Variants in TMEM86A observed in about 807,000 individuals in gnomAD.
TMEM86A encodes transmembrane protein 86A.
In TMEM86A, 13 loss-of-function variants were observed where a neutral mutation model predicts 19.8. The observed-to-expected ratio is 0.66, with a 90% CI of 0.43 to 1.04. The LOEUF (loss-of-function observed/expected upper bound fraction) is 1.04. Ranked by LOEUF, TMEM86A falls within the 50% of genes least tolerant of loss-of-function variation. TMEM86A has a pLI of 0.00. For missense variants in TMEM86A, 248 were observed against 306.8 expected, an observed-to-expected ratio of 0.81 and a Z score of 1.43; for synonymous variants, 128 against 129.9, an observed-to-expected ratio of 0.99 and a Z score of 0.10.
At position 18,704,449 on chromosome 11, in the gene TMEM86A, G is replaced by A. The variant is rs749901243; in HGVS notation, c.*2440G>A. 7 of 1,531,978 alleles carry A rather than the reference G, an allele frequency of 4.6e-6. No individual in the cohort carries two copies. The highest frequency in any genetic ancestry group is 2.0e-5 in the Admixed American group (1 of 50,958). The allele number at this position is 1,531,978 out of a possible 1,614,324, so 94.9% of individuals were successfully genotyped here. Reference sequence around the variant, plus strand: ...CTCCACATCATAACAGCCTCCTGATGCCTGGGCTTGGCTGGAGCTCACATG... The same window carrying A: ...CTCCACATCATAACAGCCTCCTGATACCTGGGCTTGGCTGGAGCTCACATG... On this transcript the variant is annotated 3_prime_UTR_variant, in exon 3 of 3. Transcript: ENST00000280734.
In TMEM86A at chr11:18,704,341, C is replaced by G; in HGVS notation, c.*2332C>G. Reference sequence around the variant, plus strand: ...ATGAGTTACGTTTATTGCCCCATCCCTTCACTGAATGTTTACATTAACAAA... The same window carrying G: ...ATGAGTTACGTTTATTGCCCCATCCGTTCACTGAATGTTTACATTAACAAA... On this transcript the variant is annotated 3_prime_UTR_variant, in exon 3 of 3. Coordinates refer to ENST00000280734, the MANE Select transcript of TMEM86A (RefSeq NM_153347.3). 2.9e-6 allele frequency: 2 copies of G among 686,076 alleles called. No homozygotes were observed. Among genetic ancestry groups the G allele is most frequent in the Non-Finnish European group, 5.3e-6 (2 of 377,370 alleles). The allele number at this position is 686,076 out of a possible 1,614,324, so 42.5% of individuals were successfully genotyped here. A position where few individuals can be genotyped will look rare whatever the true frequency, so the allele number is the denominator to read the frequency against.
In TMEM86A at chr11:18,701,695, C is replaced by T. The variant is rs1848151928; in HGVS notation, c.409C>T (p.Pro137Ser). ...LSGLCYALLY[P>S]CLSGAFTYLV... ...GGGCCTGTGCTATGCCCTCCTCTAC[C>T]CATGCCTCTCAGGTGCCTTCACCTA... The change falls in exon 3 of 3, where the codon CCA (proline) becomes TCA (serine). Residue 137 changes from proline (P) to serine (S), a missense_variant. Coordinates refer to ENST00000280734, the MANE Select transcript of TMEM86A (RefSeq NM_153347.3). This position sits in a 1 kb window ranked among gnomAD's most constrained non-coding sequence, Gnocchi z 5.3. The T allele has an allele frequency of 1.9e-6, 3 of 1,614,124 alleles. No homozygotes were observed. Among genetic ancestry groups the T allele is most frequent in the Non-Finnish European group, 2.5e-6 (3 of 1,180,006 alleles).
chr11:18,701,787 G>C lies in TMEM86A; in HGVS notation c.501G>C (p.Leu167=), dbSNP rs760931137. The change falls in exon 3 of 3, where the codon CTG becomes CTC. Residue 167 remains leucine (L), a synonymous_variant. Transcript: ENST00000280734. The surrounding 1 kb of genome is among the most constrained non-coding windows in gnomAD (Gnocchi z 5.3). ...GGCGAGCTATGGCAGGGCTGCGGCT[G>C]GCCGGGGCAGACTGGCGCTGGACAG... ...MGWRAMAGLR[L]AGADWRWTEL... is the part of the protein sequence containing the mutation. 2.5e-6 allele frequency: 4 copies of C among 1,614,134 alleles called. No individual in the cohort carries two copies. Among genetic ancestry groups the C allele is most frequent in the Non-Finnish European group, 3.4e-6 (4 of 1,180,030 alleles).
At chr11:18,698,979 A>G (rs1002754319) in intron 1 of TMEM86A, 72 bp downstream of exon 1, 1 of 449,476 alleles carries the variant, frequency 2.2e-6, no homozygotes, top group South Asian at 4.3e-5. Context: ...GGACTTCGGC[A>G]GGCCGAGCTG....
chr11:18,704,234 G>C lies in TMEM86A; in HGVS notation c.*2225G>C, dbSNP rs529252915. 1 of 500,864 alleles carries C rather than the reference G, an allele frequency of 2.0e-6. No individual in the cohort carries two copies. Among genetic ancestry groups the C allele is most frequent in the Non-Finnish European group, 3.6e-6 (1 of 276,288 alleles). The allele number at this position is 500,864 out of a possible 1,614,324, so 31.0% of individuals were successfully genotyped here. A position where few individuals can be genotyped will look rare whatever the true frequency, so the allele number is the denominator to read the frequency against. ...GTGGGTTTGGACTAGGCTTTCAGGG[G>C]TCCAGGTCTGGGATTCCCTATCATG... is the stretch of plus-strand genomic sequence containing the variant. On this transcript the variant is annotated 3_prime_UTR_variant, in exon 3 of 3. Transcript: ENST00000280734.
rs1341097546 is a variant in TMEM86A, at chr11:18,699,233, G to T, written c.21+326G>T. Among the ~76,000 whole-genome samples, 1 of 152,244 alleles carries T rather than the reference G, an allele frequency of 6.6e-6. No homozygotes were observed. On this transcript the variant is annotated intron_variant, in intron 1 of 2. Coordinates refer to ENST00000280734, the MANE Select transcript of TMEM86A (RefSeq NM_153347.3). The surrounding 1 kb of genome is among the most constrained non-coding windows in gnomAD (Gnocchi z 4.0). ...GAGAGGGAGGGGACCGCTGCCGGCC[G>T]CAGAGTTCCGCGTAGGCGGACCACA...
At position 18,701,179 on chromosome 11, in the gene TMEM86A, C is replaced by T; in HGVS notation, c.268C>T (p.Gln90Ter). 1 of 1,613,760 alleles carries T rather than the reference C, an allele frequency of 6.2e-7. No individual in the cohort carries two copies. The highest frequency in any genetic ancestry group is 8.5e-7 in the Non-Finnish European group (1 of 1,179,996). ...TGACGCCTTCCTCATCTGGCAGGAC[C>T]AAGGATACTTCGTGCATGGTCAGTG... ...VGDAFLIWQD[Q>*]GYFVHGLLMF... Residue 90 changes from glutamine (Q) to a stop codon, truncating the protein, a stop_gained, in exon 2 of 3, where the codon CAA (glutamine) becomes TAA (stop). Transcript: ENST00000280734. LOFTEE classifies it high-confidence loss of function. The surrounding 1 kb of genome is among the most constrained non-coding windows in gnomAD (Gnocchi z 5.3).
In TMEM86A at chr11:18,700,941, T is replaced by C. The variant is rs775705419; in HGVS notation, c.30T>C (p.Ser10=). MVSPVTVVK[S]EGPKLVPFFK... ...TGTCCTGTGTCCTCCAGGTGAAGAGTGAAGGACCCAAACTGGTGCCGTTCT... is the reference window on the plus strand; with the variant it reads ...TGTCCTGTGTCCTCCAGGTGAAGAGCGAAGGACCCAAACTGGTGCCGTTCT... The change falls in exon 2 of 3, where the codon AGT becomes AGC. Residue 10 remains serine, a synonymous_variant. Coordinates refer to ENST00000280734, the MANE Select transcript of TMEM86A (RefSeq NM_153347.3). 2.5e-6 allele frequency: 4 copies of C among 1,613,918 alleles called. No individual in the cohort carries two copies.
Position 18,698,874 on chromosome 11 carries a change from C to A in TMEM86A, c.-13C>A. 1.5e-6 allele frequency: 1 copy of A among 675,212 alleles called. No homozygotes were observed. The highest frequency in any genetic ancestry group is 3.1e-5 in the East Asian group (1 of 32,532). The allele number at this position is 675,212 out of a possible 1,614,324, so 41.8% of individuals were successfully genotyped here. On this transcript the variant is annotated 5_prime_UTR_variant, in exon 1 of 3. Transcript: ENST00000280734. ...CAGCCCGGAGCAGGGTGCCAGCCGC[C>A]GCCGCCGCCGCCATGGTGTCCCCGG...
Position 18,702,138 on chromosome 11 carries a change from A to G in TMEM86A, c.*129A>G. ...GCAGGTACTGCCTGAGGAATTTGCA[A>G]GTTCGTGTGGGGAGGCTGGAAAAGG... On this transcript the variant is annotated 3_prime_UTR_variant, in exon 3 of 3. Transcript: ENST00000280734. The G allele has an allele frequency of 1.1e-6, 1 of 950,678 alleles. No homozygotes were observed. The highest frequency in any genetic ancestry group is 1.6e-6 in the Non-Finnish European group (1 of 641,870). The allele number at this position is 950,678 out of a possible 1,614,324, so 58.9% of individuals were successfully genotyped here.
Position 18,699,035 on chromosome 11 carries a change from C to A in TMEM86A, c.21+128C>A, listed in dbSNP as rs1021694987. Reference sequence around the variant, plus strand: ...CGGGGGTCCCGTGGCGGCCGGAGTCCCGCGGCGGGAGGCGGGCGCTGTCAC... The same window carrying A: ...CGGGGGTCCCGTGGCGGCCGGAGTCACGCGGCGGGAGGCGGGCGCTGTCAC... On this transcript the variant is annotated intron_variant, in intron 1 of 2. Transcript: ENST00000280734. This position sits in a 1 kb window ranked among gnomAD's most constrained non-coding sequence, Gnocchi z 4.0. The A allele has an allele frequency of 3.8e-5, 14 of 372,456 alleles. No individual in the cohort carries two copies. Among genetic ancestry groups the A allele is most frequent in the Non-Finnish European group, 6.2e-5 (13 of 209,876 alleles). 23.1% of individuals were successfully genotyped at this position (372,456 alleles called of 1,614,324 possible).
In TMEM86A at chr11:18,701,631, ACT is replaced by A. The variant is rs1848150762; in HGVS notation, c.346_347del (p.Leu116GlyfsTer180). On this transcript the variant is annotated frameshift_variant, in exon 3 of 3. Coordinates refer to ENST00000280734, the MANE Select transcript of TMEM86A (RefSeq NM_153347.3). LOFTEE classifies it high-confidence loss of function. The surrounding 1 kb of genome is among the most constrained non-coding windows in gnomAD (Gnocchi z 5.3). ...FYASAFGMQP[L>X]ALRTGLVMAA... ...ACGCCTCGGCCTTTGGCATGCAGCC[ACT>A]GGCTCTTCGGACAGGTCTGGTGATG... The A allele has an allele frequency of 6.3e-7, 1 of 1,595,756 alleles. No individual in the cohort carries two copies. The highest frequency in any genetic ancestry group is 8.6e-7 in the Non-Finnish European group (1 of 1,168,292).
chr11:18,700,920 C>T lies in TMEM86A; in HGVS notation c.22-13C>T, dbSNP rs1266258886. 3.7e-6 allele frequency: 6 copies of T among 1,613,716 alleles called. No individual in the cohort carries two copies. The highest frequency in any genetic ancestry group is 4.2e-6 in the Non-Finnish European group (5 of 1,179,724). The stretch of plus-strand genomic sequence containing the variant: ...CCAAGTTCTGAGTGCTGCCCTTGTC[C>T]TGTGTCCTCCAGGTGAAGAGTGAAG... On this transcript the variant is annotated splice_polypyrimidine_tract_variant and intron_variant, in intron 1 of 2. Coordinates refer to ENST00000280734, the MANE Select transcript of TMEM86A (RefSeq NM_153347.3).
chr11:18,701,243 GA>G lies in TMEM86A; in HGVS notation c.286+47del. 2.5e-6 allele frequency: 4 copies of G among 1,598,102 alleles called. No individual in the cohort carries two copies. The highest frequency in any genetic ancestry group is 1.7e-6 in the Non-Finnish European group (2 of 1,171,518). ...CCTGGGAGGAGTCCTGGGGCTGGGG[GA>G]TAGAGGGTCCTGGGCTGTGGGCAAA... is the stretch of plus-strand genomic sequence containing the variant. On this transcript the variant is annotated intron_variant, in intron 2 of 2. Coordinates refer to ENST00000280734, the MANE Select transcript of TMEM86A (RefSeq NM_153347.3). This position sits in a 1 kb window ranked among gnomAD's most constrained non-coding sequence, Gnocchi z 5.3.
rs1174795603 is a variant in TMEM86A at position 18,699,589 on chromosome 11, ATGCTCCCAGGGGCTGGCAGGTGGT to A, written c.21+687_21+710del. On this transcript the variant is annotated intron_variant, in intron 1 of 2. Coordinates refer to ENST00000280734, the MANE Select transcript of TMEM86A (RefSeq NM_153347.3). The surrounding 1 kb of genome is among the most constrained non-coding windows in gnomAD (Gnocchi z 4.0). ...GGGAGAGGCCATGGAGCGGAGGTTA[ATGCTCCCAGGGGCTGGCAGGTGGT>A]TGCTGGGCATTGTGGGCCTGGGCAT... Among the ~76,000 whole-genome samples the A allele has an allele frequency of 6.6e-6, 1 of 152,120 alleles. No homozygotes were observed. Among genetic ancestry groups the A allele is most frequent in the Non-Finnish European group, 1.5e-5 (1 of 68,008 alleles).
chr11:18,703,935 G>C lies in TMEM86A; in HGVS notation c.*1926G>C, dbSNP rs906023019. 2.0e-5 allele frequency: 3 copies of C among 152,194 alleles called. No homozygotes were observed. Among genetic ancestry groups the C allele is most frequent in the Non-Finnish European group, 2.9e-5 (2 of 68,132 alleles). 9.4% of individuals were successfully genotyped at this position (152,194 alleles called of 1,614,324 possible). ...TTTTGGAAGGATTCCACTGAAAAAC[G>C]TAAGTTTGAAACTTAGTGAGCTGGA... is the stretch of plus-strand genomic sequence containing the variant. On this transcript the variant is annotated 3_prime_UTR_variant, in exon 3 of 3. Coordinates refer to ENST00000280734, the MANE Select transcript of TMEM86A (RefSeq NM_153347.3).
In TMEM86A at chr11:18,700,116, C is replaced by T. The variant is rs535335114; in HGVS notation, c.22-817C>T. 3 of 152,390 alleles carry T rather than the reference C, an allele frequency of 2.0e-5. No homozygotes were observed. In the South Asian group the frequency reaches 6.2e-4, roughly 32 times the overall value. The allele number at this position is 152,390 out of a possible 1,614,324, so 9.4% of individuals were successfully genotyped here. A position where few individuals can be genotyped will look rare whatever the true frequency, so the allele number is the denominator to read the frequency against. On this transcript the variant is annotated intron_variant, in intron 1 of 2. Coordinates refer to ENST00000280734, the MANE Select transcript of TMEM86A (RefSeq NM_153347.3). Reference sequence around the variant, plus strand: ...ACCAAGTCAGCTGCTCTAACTTCCCCCTCTCAGTTCCCCATCTCCCAGCCT... The same window carrying T: ...ACCAAGTCAGCTGCTCTAACTTCCCTCTCTCAGTTCCCCATCTCCCAGCCT...
At position 18,699,080 on chromosome 11, in the gene TMEM86A, T is replaced by A. The variant is rs921465462; in HGVS notation, c.21+173T>A. ...TGTCACCGCCCCCCGCTCCTCAGAC[T>A]CGCGGCGCCCCTCCTCGCGCGCCCC... On this transcript the variant is annotated intron_variant, in intron 1 of 2. Transcript: ENST00000280734. The surrounding 1 kb of genome is among the most constrained non-coding windows in gnomAD (Gnocchi z 4.0). Among the ~76,000 whole-genome samples, 63 of 151,638 alleles carry A rather than the reference T, an allele frequency of 4.2e-4. No individual in the cohort carries two copies. Among genetic ancestry groups the A allele is most frequent in the African/African-American group, 1.3e-3 (52 of 41,312 alleles).
In TMEM86A at chr11:18,702,358, C is replaced by T; in HGVS notation, c.*349C>T. ...TCCCCTACCAGGTGGAAGAGTCTGA[C>T]TCCATGTGTTATGCCTAGGACCAAT... On this transcript the variant is annotated 3_prime_UTR_variant, in exon 3 of 3. Coordinates refer to ENST00000280734, the MANE Select transcript of TMEM86A (RefSeq NM_153347.3). 2.8e-6 allele frequency: 1 copy of T among 351,986 alleles called. No homozygotes were observed. Among genetic ancestry groups the T allele is most frequent in the South Asian group, 3.0e-5 (1 of 33,516 alleles). 21.8% of individuals were successfully genotyped at this position (351,986 alleles called of 1,614,324 possible).
Sources: allele counts gnomAD v4.1 joint callset (sites outside exome capture counted in the v4.1 genomes callset), GRCh38; gene constraint gnomAD v4.1.1; non-coding constraint Gnocchi (gnomAD v3.1); transcripts MANE v1.5; gene names NCBI Gene and HGNC (gene_info 2026-07-23, HGNC 2026-07-21).